LRMDA: variants seen among roughly 807,000 people sequenced by gnomAD.
The protein encoded by LRMDA is leucine rich melanocyte differentiation associated.
Under a neutral mutation model 29.8 loss-of-function variants are expected in LRMDA, and 18 were observed. That is an observed-to-expected ratio of 0.60 (90% CI 0.42 to 0.90). The LOEUF (loss-of-function observed/expected upper bound fraction) is 0.90. LRMDA is among the 40% of genes least tolerant of loss of function. The pLI, the probability that LRMDA is intolerant of heterozygous loss-of-function variation, is 0.00. For synonymous variants in LRMDA, 125 were observed against 109.4 expected (o/e 1.14, Z -0.89); for missense variants, 273 against 273.9 (o/e 1.00, Z 0.02).
At chr10:76,267,532 A>C (rs1272973172) in intron 5 of LRMDA, among the ~76,000 whole-genome samples, 2 of 152,258 alleles carry the variant, frequency 1.3e-5, no homozygotes, top group East Asian at 3.9e-4. Context: ...TGCCTCTATG[A>C]ATTTGCCTGT....
In LRMDA at chr10:75,719,958, A is replaced by T. The variant is rs78288106; in HGVS notation, c.131+281464A>T. On this transcript the variant is annotated intron_variant, in intron 2 of 6. Transcript: ENST00000611255. ...TGGAGCCCTCATAATTCAGAGATTGAAGCCAAAGTGCCTCTGTGTACCTAA... is the reference window on the plus strand; with the variant it reads ...TGGAGCCCTCATAATTCAGAGATTGTAGCCAAAGTGCCTCTGTGTACCTAA... Among the ~76,000 whole-genome samples, 497 of 152,300 alleles carry T rather than the reference A, an allele frequency of 3.3e-3. 19 individuals are homozygous for T. In the East Asian group the frequency reaches 0.086, roughly 26 times the overall value.
chr10:75,966,092 CTAG>C, intron 2 of LRMDA, among the ~76,000 whole-genome samples: 1 of 152,298 alleles, frequency 6.6e-6, no homozygotes, highest in African/African-American at 2.4e-5. Flanking sequence ...GGGTGCAATG[CTAG>C]TTTCATGTCT....
chr10:76,198,302 C>T (rs1851367564), intron 5 of LRMDA, among the ~76,000 whole-genome samples: 1 of 152,246 alleles, frequency 6.6e-6, no homozygotes, highest in African/African-American at 2.4e-5. Flanking sequence ...TGGAGGAAGA[C>T]TGCATTTCTA....
intron 2 of LRMDA, among the ~76,000 whole-genome samples, chr10:75,805,198 A>G (rs1047677171): frequency 6.6e-6 from 1 of 152,132 alleles, no homozygotes; most frequent in Admixed American, 6.5e-5. Context: ...TCTGAAGTGA[A>G]CGGGGTTCCT....
intron 5 of LRMDA, among the ~76,000 whole-genome samples, chr10:76,126,519 C>T (rs573215744): frequency 3.3e-5 from 5 of 152,172 alleles, no homozygotes; most frequent in South Asian, 2.1e-4. Context: ...AGAAAGAGTC[C>T]GCTCCTGCTG....
intron 6 of LRMDA, among the ~76,000 whole-genome samples, chr10:76,409,890 C>T (rs923379454): frequency 5.3e-5 from 8 of 152,118 alleles, no homozygotes; most frequent in Non-Finnish European, 7.4e-5. Flanking sequence ...TTTATGCTAG[C>T]GACTCAATAT....
intron 6 of LRMDA, among the ~76,000 whole-genome samples, chr10:76,359,721 CA>C (rs1841288123): frequency 6.6e-6 from 1 of 152,108 alleles, no homozygotes; most frequent in Admixed American, 6.5e-5. Context: ...TTCTAATAGT[CA>C]AAGGACACAT....
At chr10:76,168,382 A>C (rs1187182161) in intron 5 of LRMDA, among the ~76,000 whole-genome samples, 3 of 152,178 alleles carry the variant, frequency 2.0e-5, no homozygotes, top group Non-Finnish European at 2.9e-5. Flanking sequence ...TTGGGAGAGA[A>C]AAAAACATGC....
In LRMDA at chr10:76,270,866, A is replaced by G. The variant is rs185348003; in HGVS notation, c.517-53535A>G. 1.1e-4 allele frequency: 17 copies of G among 152,312 alleles called. No homozygotes were observed. In the East Asian group the frequency reaches 3.1e-3, roughly 28 times the overall value. 9.4% of individuals were successfully genotyped at this position (152,312 alleles called of 1,614,324 possible). ...GGGGGCAATTGCATGCTCTTTACTGACGCCATGATATACACTTAAGAGCTG... is the reference window on the plus strand; with the variant it reads ...GGGGGCAATTGCATGCTCTTTACTGGCGCCATGATATACACTTAAGAGCTG... On this transcript the variant is annotated intron_variant, in intron 5 of 6. Transcript: ENST00000611255.
Position 75,749,873 on chromosome 10 carries a change from C to T in LRMDA, c.132-286135C>T, listed in dbSNP as rs924005587. 5.9e-5 allele frequency among the ~76,000 whole-genome samples: 9 copies of T among 152,290 alleles called. No homozygotes were observed. The East Asian group carries it at 1.7e-3, about 29-fold the overall frequency. ...CTTCAAGCATCTGTTTAACAAAGCACATCTTGCTCCGCCCTTAATCCATTT... is the reference window on the plus strand; with the variant it reads ...CTTCAAGCATCTGTTTAACAAAGCATATCTTGCTCCGCCCTTAATCCATTT... On this transcript the variant is annotated intron_variant, in intron 2 of 6. Transcript: ENST00000611255.
intron 2 of LRMDA, among the ~76,000 whole-genome samples, chr10:75,769,733 T>C (rs1843214686): frequency 6.6e-6 from 1 of 152,256 alleles, no homozygotes; most frequent in East Asian, 1.9e-4. Flanking sequence ...CGATTGCTTA[T>C]GCCAGGCATG....
intron 2 of LRMDA, among the ~76,000 whole-genome samples, chr10:75,648,512 A>G (rs1020185314): frequency 4.6e-5 from 7 of 152,126 alleles, no homozygotes; most frequent in African/African-American, 1.7e-4. Context: ...GTGCTGCTCC[A>G]CATATGCAAA....
chr10:76,320,625 T>G (rs1273362403), intron 5 of LRMDA, among the ~76,000 whole-genome samples: 1 of 152,204 alleles, frequency 6.6e-6, no homozygotes, highest in African/African-American at 2.4e-5. Flanking sequence ...TTAAAAAAAT[T>G]TCAGGCTTAA....
chr10:76,297,975 G>A (rs1840432506), intron 5 of LRMDA, among the ~76,000 whole-genome samples: 1 of 152,234 alleles, frequency 6.6e-6, no homozygotes, highest in South Asian at 2.1e-4. Flanking sequence ...AGCCGCATGT[G>A]CCGACTGAAG....
chr10:76,151,647 G>A (rs1397566581), intron 5 of LRMDA, among the ~76,000 whole-genome samples: 1 of 152,134 alleles, frequency 6.6e-6, no homozygotes, highest in East Asian at 1.9e-4. Flanking sequence ...CCAAAAGATA[G>A]GTTAACAAGA....
At chr10:75,858,145 G>C (rs186221185) in intron 2 of LRMDA, among the ~76,000 whole-genome samples, 2 of 152,066 alleles carry the variant, frequency 1.3e-5, no homozygotes, top group South Asian at 2.1e-4. Context: ...AGATTCTGAG[G>C]CCCCCCCGTA....
intron 2 of LRMDA, among the ~76,000 whole-genome samples, chr10:75,560,508 C>A (rs1191268283): frequency 1.3e-5 from 2 of 151,676 alleles, no homozygotes; most frequent in Non-Finnish European, 2.9e-5. Flanking sequence ...CTCTTTTCCT[C>A]ATTGAATACC....
At chr10:75,907,519 C>T (rs375591736) in intron 2 of LRMDA, among the ~76,000 whole-genome samples, 9 of 152,200 alleles carry the variant, frequency 5.9e-5, no homozygotes, top group South Asian at 4.2e-4. Context: ...ACTCATTGGC[C>T]GCATCAATCA....
At chr10:76,292,770 C>T (rs1012805874) in intron 5 of LRMDA, among the ~76,000 whole-genome samples, 5 of 151,540 alleles carry the variant, frequency 3.3e-5, no homozygotes, top group East Asian at 3.9e-4. Flanking sequence ...ACCAGAAAGC[C>T]GTGTGACAAT....
Sources: gnomAD v4.1 joint callset for allele counts (sites outside exome capture counted in the v4.1 genomes callset) on GRCh38, gnomAD v4.1.1 for gene constraint, MANE v1.5 for transcripts, NCBI Gene and HGNC (gene_info 2026-07-23, HGNC 2026-07-21) for gene names.